The following DGKB variants were observed in gnomAD, a reference collection of about 807,000 sequenced individuals.
DGKB encodes 90 kDa diacylglycerol kinase.
In DGKB, 67 loss-of-function variants were observed where a neutral mutation model predicts 114.3. The ratio of observed to expected loss-of-function variants is 0.59; its 90% CI spans 0.48 to 0.72. The LOEUF is 0.72. Among genes scored for constraint, DGKB ranks in the 30% least tolerant of loss-of-function variants. The pLI, the probability that DGKB is intolerant of heterozygous loss-of-function variation, is 0.00. For missense variants in DGKB, 907 were observed against 975.2 expected, an observed-to-expected ratio of 0.93 and a Z score of 0.93; for synonymous variants, 398 against 323.1, an observed-to-expected ratio of 1.23 and a Z score of -2.49.
intron 15 of DGKB, among the ~76,000 whole-genome samples, chr7:14,619,257 T>A (rs1297234637): frequency 6.6e-6 from 1 of 151,466 alleles, no homozygotes; most frequent in African/African-American, 2.4e-5. Context: ...CTTTTATATG[T>A]CAAAGAAAGT....
At chr7:14,896,650 C>T (rs528212947) in intron 1 of DGKB, among the ~76,000 whole-genome samples, 107 of 151,620 alleles carry the variant, frequency 7.1e-4, no homozygotes, top group African/African-American at 2.0e-3. Flanking sequence ...TTCATGATTA[C>T]GTCATTTAAT....
At chr7:14,276,425 G>A (rs2108515) in intron 23 of DGKB, among the ~76,000 whole-genome samples, 114,787 of 152,086 alleles carry the variant, frequency 0.75, 44,305 homozygotes, top group South Asian at 0.86. Context: ...CTACATGATA[G>A]AATACTGTAA....
intron 20 of DGKB, among the ~76,000 whole-genome samples, chr7:14,530,006 G>A (rs77447178): frequency 0.023 from 3,461 of 151,734 alleles, 44 homozygotes; most frequent in African/African-American, 0.031. Context: ...AATCAAAATG[G>A]ACTGGAGTAG....
At chr7:14,434,078 A>G (rs1828885589) in intron 21 of DGKB, among the ~76,000 whole-genome samples, 1 of 152,204 alleles carries the variant, frequency 6.6e-6, no homozygotes, top group Non-Finnish European at 1.5e-5. Context: ...AGTGATGGTC[A>G]ATCTCTTTCA....
chr7:14,529,994 GA>G (rs1791295511), intron 20 of DGKB, among the ~76,000 whole-genome samples: 3 of 151,638 alleles, frequency 2.0e-5, no homozygotes, highest in Admixed American at 2.0e-4. Flanking sequence ...CTCATAAAGT[GA>G]AATCAAAATG....
At chr7:14,781,609 T>C (rs1273608183) in intron 2 of DGKB, among the ~76,000 whole-genome samples, 2 of 152,218 alleles carry the variant, frequency 1.3e-5, no homozygotes, top group Non-Finnish European at 2.9e-5. Context: ...ACATTTACTT[T>C]GCAGTTGTAA....
intron 2 of DGKB, among the ~76,000 whole-genome samples, chr7:14,808,341 G>C (rs1843003549): frequency 6.6e-6 from 1 of 152,006 alleles, no homozygotes; most frequent in Admixed American, 6.6e-5. Context: ...TTAGAAATAT[G>C]AAAAGGGTAA....
chr7:14,163,703 A>G (rs1784231119), intron 25 of DGKB, among the ~76,000 whole-genome samples: 1 of 152,124 alleles, frequency 6.6e-6, no homozygotes, highest in Non-Finnish European at 1.5e-5. Context: ...CTTATTAAAT[A>G]ACAAACTGGC....
intron 17 of DGKB, among the ~76,000 whole-genome samples, chr7:14,590,039 C>G (rs1189363): frequency 6.7e-6 from 1 of 149,436 alleles, no homozygotes; most frequent in Non-Finnish European, 1.5e-5. Context: ...AGGGATAGCA[C>G]TGGGAGATAT....
intron 2 of DGKB, among the ~76,000 whole-genome samples, chr7:14,810,480 T>C (rs577340743): frequency 2.0e-5 from 3 of 152,312 alleles, no homozygotes; most frequent in South Asian, 2.1e-4. Flanking sequence ...ATCAGAAACA[T>C]AAAAACATAA....
intron 21 of DGKB, among the ~76,000 whole-genome samples, chr7:14,431,024 G>T (rs1232556949): frequency 6.6e-6 from 1 of 152,030 alleles, no homozygotes; most frequent in African/African-American, 2.4e-5. Context: ...TTGCCTTCTT[G>T]TTTTGATCTT....
chr7:14,880,469 TA>T (rs1195762633), intron 1 of DGKB, among the ~76,000 whole-genome samples: 4 of 151,974 alleles, frequency 2.6e-5, no homozygotes, highest in Admixed American at 2.6e-4. Context: ...AATAAATAAA[TA>T]AATAAAGCAA....
intron 14 of DGKB, among the ~76,000 whole-genome samples, chr7:14,624,087 A>G (rs1808133883): frequency 6.6e-6 from 1 of 152,174 alleles, no homozygotes; most frequent in African/African-American, 2.4e-5. Context: ...ACTCATCAAC[A>G]TTGTTTTTAT....
intron 4 of DGKB, among the ~76,000 whole-genome samples, chr7:14,739,415 C>T (rs775485629): frequency 5.3e-5 from 8 of 152,128 alleles, no homozygotes; most frequent in South Asian, 2.1e-4. Flanking sequence ...AGAATCTTGG[C>T]CTCTTCAGCT....
chr7:14,612,455 T>A (rs1805736760), intron 16 of DGKB, among the ~76,000 whole-genome samples: 1 of 152,050 alleles, frequency 6.6e-6, no homozygotes, highest in Non-Finnish European at 1.5e-5. Flanking sequence ...AATCTTACAC[T>A]CTTTAAAGCA....
intron 21 of DGKB, among the ~76,000 whole-genome samples, chr7:14,370,240 A>T (rs1030961404): frequency 2.0e-5 from 3 of 152,180 alleles, no homozygotes; most frequent in African/African-American, 7.2e-5. Flanking sequence ...CAGGTTTGTC[A>T]AAGATCAGAT....
intron 8 of DGKB, among the ~76,000 whole-genome samples, chr7:14,696,982 A>G (rs1290330363): frequency 2.0e-5 from 3 of 152,244 alleles, no homozygotes; most frequent in Admixed American, 6.5e-5. Context: ...CATAAAATGT[A>G]AAATCATTTA....
At chr7:14,476,755 ATTTTT>A (rs11386744) in intron 21 of DGKB, among the ~76,000 whole-genome samples, 2 of 135,368 alleles carry the variant, frequency 1.5e-5, no homozygotes, top group Non-Finnish European at 1.6e-5. Context: ...TACTAAAAAC[ATTTTT>A]TTTTTTTTTT....
At chr7:14,706,351 C>A (rs1224405037) in intron 6 of DGKB, among the ~76,000 whole-genome samples, 1 of 142,788 alleles carries the variant, frequency 7.0e-6, no homozygotes, top group Non-Finnish European at 1.5e-5. Flanking sequence ...ACTTAGACTC[C>A]CACACAATAA....
Sources: allele counts gnomAD v4.1 joint callset (sites outside exome capture counted in the v4.1 genomes callset), GRCh38; gene constraint gnomAD v4.1.1; transcripts MANE v1.5; gene names NCBI Gene and HGNC (gene_info 2026-07-23, HGNC 2026-07-21).